The following SGCD variants were observed in gnomAD, a reference collection of about 807,000 sequenced individuals.
SGCD encodes delta-sarcoglycan.
SGCD carries 18 observed loss-of-function variants against 36.6 expected under a neutral mutation model. The ratio of observed to expected loss-of-function variants is 0.49; its 90% CI spans 0.34 to 0.73. The LOEUF (loss-of-function observed/expected upper bound fraction) is 0.73. Among genes scored for constraint, SGCD ranks in the 30% least tolerant of loss-of-function variants. The pLI is 0.01. For synonymous variants in SGCD, 133 were observed against 130.6 expected (o/e 1.02, Z -0.12); for missense variants, 387 against 346.7 (o/e 1.12, Z -0.92).
intron 1 of SGCD, among the ~76,000 whole-genome samples, chr5:156,023,016 CTTAGAA>C (rs762328974): frequency 1.3e-5 from 2 of 152,288 alleles, no homozygotes; most frequent in African/African-American, 2.4e-5. Context: ...AGAGCACAAA[CTTAGAA>C]TTAGAAAGAG....
intron 3 of SGCD, among the ~76,000 whole-genome samples, chr5:156,487,265 A>C (rs2127845392): frequency 6.6e-6 from 1 of 152,294 alleles, no homozygotes; most frequent in Admixed American, 6.5e-5. Flanking sequence ...AACTGAAGAA[A>C]TCATATAGAG....
At chr5:155,858,757 T>C in the SGCD span, among the ~76,000 whole-genome samples, 2,070 of 152,306 alleles carry the variant, frequency 0.014, 32 homozygotes, top group Non-Finnish European at 0.023. Flanking sequence ...ATTCAAGGTG[T>C]CATCTGCAGG....
chr5:156,696,255 T>G (rs1454486748), intron 7 of SGCD, among the ~76,000 whole-genome samples: 2 of 152,168 alleles, frequency 1.3e-5, no homozygotes, highest in African/African-American at 4.8e-5. Flanking sequence ...TCTAGGAACT[T>G]TTCCCATGAA....
intron 3 of SGCD, among the ~76,000 whole-genome samples, chr5:156,358,159 T>C (rs1393665211): frequency 1.3e-5 from 2 of 152,204 alleles, no homozygotes; most frequent in East Asian, 3.8e-4. Flanking sequence ...GTATTGTCCA[T>C]AAAACCCAAA....
intron 3 of SGCD, among the ~76,000 whole-genome samples, chr5:156,370,291 C>A (rs561046767): frequency 6.6e-6 from 1 of 152,094 alleles, no homozygotes; most frequent in South Asian, 2.1e-4. Context: ...GGATTGAGGA[C>A]AGCTCTCCAA....
chr5:156,353,325 ATTAG>A (rs890855118), intron 3 of SGCD, among the ~76,000 whole-genome samples: 4 of 152,246 alleles, frequency 2.6e-5, no homozygotes, highest in Non-Finnish European at 5.9e-5. Flanking sequence ...AAAATGAAGT[ATTAG>A]TTGATTTATT....
chr5:156,005,428 TTTGTTGTTGTTGTTGTTGTTG>T (rs5872447), intron 1 of SGCD, among the ~76,000 whole-genome samples: 1 of 150,506 alleles, frequency 6.6e-6, no homozygotes, highest in Non-Finnish European at 1.5e-5. Context: ...GTCTTCAGTT[TTTGTTGTTGTTGTTGTTGTTG>T]TTGTTGTTGT....
intron 4 of SGCD, among the ~76,000 whole-genome samples, chr5:156,535,388 G>A (rs957532497): frequency 6.6e-6 from 1 of 152,128 alleles, no homozygotes; most frequent in African/African-American, 2.4e-5. Flanking sequence ...TCCATTTAAG[G>A]GAGCTTATGA....
In SGCD at chr5:156,757,677, G is replaced by C; in HGVS notation, c.672G>C (p.Glu224Asp). The change falls in exon 8 of 9, where the codon GAG (glutamate) becomes GAC (aspartate). Residue 224 changes from glutamate (E) to aspartate (D), a missense_variant. By Grantham distance (45) the Glu-to-Asp change is conservative. Transcript: ENST00000337851. ...ATATGGAAGCCACCTGCAGGACAGAGCTGAGACTGGAATCCAAAGATGGAG... is the reference window on the plus strand; with the variant it reads ...ATATGGAAGCCACCTGCAGGACAGACCTGAGACTGGAATCCAAAGATGGAG... ...AGNMEATCRT[E>D]LRLESKDGEI... 1 of 1,607,644 alleles carries C rather than the reference G, an allele frequency of 6.2e-7. No individual in the cohort carries two copies.
At chr5:155,829,192 A>G in the SGCD span, among the ~76,000 whole-genome samples, 2 of 152,130 alleles carry the variant, frequency 1.3e-5, no homozygotes, top group South Asian at 2.1e-4. Context: ...TCCTGGGGGC[A>G]GGATGAACTA....
chr5:156,635,145 GTTCC>G (rs1418741712), intron 6 of SGCD, among the ~76,000 whole-genome samples: 1 of 152,102 alleles, frequency 6.6e-6, no homozygotes, highest in Non-Finnish European at 1.5e-5. Flanking sequence ...GATTGCTTGA[GTTCC>G]AGAATTTGAG....
Position 156,011,501 on chromosome 5 carries a change from C to T in SGCD, c.-281-106377C>T, listed in dbSNP as rs548517354. On this transcript the variant is annotated intron_variant, in intron 1 of 9. Coordinates refer to the SGCD transcript ENST00000517913. Reference sequence around the variant, plus strand: ...TGTTGCCCAGGCTGGAGGGCAGTGTCGTGATCTTGGCTCACTGCAACTCCT... The same window carrying T: ...TGTTGCCCAGGCTGGAGGGCAGTGTTGTGATCTTGGCTCACTGCAACTCCT... 1.6e-3 allele frequency among the ~76,000 whole-genome samples: 245 copies of T among 151,702 alleles called. 1 individual carries two copies. The highest frequency in any genetic ancestry group is 5.6e-3 in the African/African-American group (232 of 41,356).
chr5:156,611,225 C>T (rs73299171), intron 6 of SGCD, among the ~76,000 whole-genome samples: 5,433 of 152,330 alleles, frequency 0.036, 325 homozygotes, highest in African/African-American at 0.12. Flanking sequence ...GAGCTTTATA[C>T]ATTCCTGTGT....
chr5:156,041,076 C>G (rs998748295), intron 1 of SGCD, among the ~76,000 whole-genome samples: 4 of 152,138 alleles, frequency 2.6e-5, no homozygotes, highest in African/African-American at 9.7e-5. Flanking sequence ...TTCCAGTATC[C>G]TTCCCAGCAT....
chr5:155,959,656 A>C (rs1757750526), intron 1 of SGCD, among the ~76,000 whole-genome samples: 1 of 152,150 alleles, frequency 6.6e-6, no homozygotes, highest in African/African-American at 2.4e-5. Context: ...TTATACATAC[A>C]ATCAATATTT....
chr5:156,698,840 T>TAC (rs150929203), intron 7 of SGCD, among the ~76,000 whole-genome samples: 85,673 of 139,810 alleles, frequency 0.61, 27,316 homozygotes, highest in Non-Finnish European at 0.71. Flanking sequence ...TAAATTAAAA[T>TAC]ACACACACAC....
At chr5:156,178,451 C>A (rs1404170253) in intron 3 of SGCD, among the ~76,000 whole-genome samples, 1 of 152,210 alleles carries the variant, frequency 6.6e-6, no homozygotes, top group Non-Finnish European at 1.5e-5. Context: ...AGAATGCTCA[C>A]AACAAATCTC....
chr5:156,388,211 G>A (rs1771377252), intron 3 of SGCD, among the ~76,000 whole-genome samples: 1 of 152,190 alleles, frequency 6.6e-6, no homozygotes, highest in Admixed American at 6.5e-5. Flanking sequence ...GCCGGGCAAG[G>A]CAGCTATTGA....
chr5:156,390,113 T>G (rs112167538), intron 3 of SGCD, among the ~76,000 whole-genome samples: 1 of 152,238 alleles, frequency 6.6e-6, no homozygotes, highest in African/African-American at 2.4e-5. Context: ...CATACAATTA[T>G]GTATGGTACA....
Sources: gnomAD v4.1 joint callset for allele counts (sites outside exome capture counted in the v4.1 genomes callset) on GRCh38, gnomAD v4.1.1 for gene constraint, MANE v1.5 for transcripts, NCBI Gene and HGNC (gene_info 2026-07-23, HGNC 2026-07-21) for gene names.